Variants in ITFG1 observed in about 807,000 individuals in gnomAD.
The protein encoded by ITFG1 is T-cell immunomodulatory protein.
In ITFG1, 34 loss-of-function variants were observed where a neutral mutation model predicts 81.8. The ratio of observed to expected loss-of-function variants is 0.42; its 90% CI spans 0.32 to 0.55. ITFG1 has a LOEUF of 0.55. ITFG1 is among the 20% of genes least tolerant of loss of function. The pLI, the probability that ITFG1 is intolerant of heterozygous loss-of-function variation, is 0.17. For missense variants in ITFG1, 672 were observed against 755.4 expected (o/e 0.89, Z 1.29); for synonymous variants, 285 against 270.6 (o/e 1.05, Z -0.52).
chr16:47,362,315 G>A (rs1968119884), intron 8 of ITFG1, among the ~76,000 whole-genome samples: 1 of 152,100 alleles, frequency 6.6e-6, no homozygotes, highest in Non-Finnish European at 1.5e-5. Context: ...GCACCTCAGA[G>A]GTTCTAATAA....
chr16:47,406,610 G>A (rs1350271983), intron 6 of ITFG1, among the ~76,000 whole-genome samples: 1 of 152,216 alleles, frequency 6.6e-6, no homozygotes, highest in Non-Finnish European at 1.5e-5. Flanking sequence ...CTGGGCACTG[G>A]AGAAATGACA....
chr16:47,423,733 T>C (rs529305900), intron 6 of ITFG1, among the ~76,000 whole-genome samples: 3 of 152,350 alleles, frequency 2.0e-5, no homozygotes, highest in Non-Finnish European at 4.4e-5. Context: ...TTGAAAATTC[T>C]TTAAGAATGT....
intron 6 of ITFG1, among the ~76,000 whole-genome samples, chr16:47,423,345 G>T (rs1262501187): frequency 6.6e-6 from 1 of 151,222 alleles, no homozygotes; most frequent in African/African-American, 2.4e-5. Flanking sequence ...CATGAGACAG[G>T]TCTCCTGAAT....
At chr16:47,388,361 G>A (rs1352644495) in intron 6 of ITFG1, among the ~76,000 whole-genome samples, 1 of 152,154 alleles carries the variant, frequency 6.6e-6, no homozygotes, top group African/African-American at 2.4e-5. Flanking sequence ...TAAATGTGAT[G>A]CAGAATAAAT....
At chr16:47,187,248 T>C (rs960935701) in intron 14 of ITFG1, among the ~76,000 whole-genome samples, 12 of 152,120 alleles carry the variant, frequency 7.9e-5, no homozygotes, top group African/African-American at 9.7e-5. Context: ...CTTCACAGAA[T>C]TGGAAAAAAC....
chr16:47,457,316 A>C (rs893461403), intron 2 of ITFG1, among the ~76,000 whole-genome samples: 2 of 151,706 alleles, frequency 1.3e-5, no homozygotes, highest in Non-Finnish European at 2.9e-5. Flanking sequence ...GTCTCAAGAA[A>C]AAAAAAAAAA....
At chr16:47,264,746 C>T (rs1229994914) in intron 10 of ITFG1, among the ~76,000 whole-genome samples, 2 of 152,068 alleles carry the variant, frequency 1.3e-5, no homozygotes, top group Admixed American at 6.6e-5. Flanking sequence ...AATGTATGAG[C>T]GTCTTTTCAT....
intron 13 of ITFG1, among the ~76,000 whole-genome samples, chr16:47,232,041 G>A (rs1290343602): frequency 2.6e-5 from 4 of 152,210 alleles, no homozygotes; most frequent in African/African-American, 9.7e-5. Flanking sequence ...CATGAGCCAA[G>A]GAAGATATGC....
At chr16:47,447,835 G>A (rs1969342353) in intron 5 of ITFG1, among the ~76,000 whole-genome samples, 1 of 152,122 alleles carries the variant, frequency 6.6e-6, no homozygotes, top group South Asian at 2.1e-4. Context: ...AGAAATTAAT[G>A]TATCTCTAAT....
chr16:47,440,900 T>A (rs1193978095), intron 5 of ITFG1, among the ~76,000 whole-genome samples: 1 of 152,154 alleles, frequency 6.6e-6, no homozygotes. Context: ...ATCCAGGAGC[T>A]GGTTTTTCGA....
chr16:47,203,315 A>G (rs975617792), intron 14 of ITFG1, among the ~76,000 whole-genome samples: 5 of 152,236 alleles, frequency 3.3e-5, no homozygotes, highest in African/African-American at 1.2e-4. Flanking sequence ...TTTTGGCACC[A>G]GGAACTGGTT....
At chr16:47,182,911 C>T (rs1965149264) in intron 14 of ITFG1, among the ~76,000 whole-genome samples, 1 of 152,170 alleles carries the variant, frequency 6.6e-6, no homozygotes, top group Non-Finnish European at 1.5e-5. Flanking sequence ...AGTGGGTGCG[C>T]ACACCGTGCG....
intron 13 of ITFG1, among the ~76,000 whole-genome samples, chr16:47,224,002 G>A (rs1965728018): frequency 1.3e-5 from 2 of 148,816 alleles, no homozygotes; most frequent in Non-Finnish European, 3.0e-5. Flanking sequence ...ACTCATAGGT[G>A]GGAATTGAAC....
chr16:47,436,252 T>C (rs923345399), intron 5 of ITFG1, among the ~76,000 whole-genome samples: 4 of 152,130 alleles, frequency 2.6e-5, no homozygotes, highest in African/African-American at 9.6e-5. Context: ...AACCTGCACG[T>C]TGTGCACATG....
At chr16:47,366,834 GT>G (rs1288960224) in intron 7 of ITFG1, among the ~76,000 whole-genome samples, 1 of 152,074 alleles carries the variant, frequency 6.6e-6, no homozygotes, top group African/African-American at 2.4e-5. Context: ...ATGAGCACTG[GT>G]TTTCTCCCTT....
intron 6 of ITFG1, among the ~76,000 whole-genome samples, chr16:47,390,420 G>T (rs762300820): frequency 1.3e-5 from 2 of 151,964 alleles, no homozygotes; most frequent in East Asian, 1.9e-4. Context: ...ACATAACTTC[G>T]GAATGAAATA....
intron 13 of ITFG1, among the ~76,000 whole-genome samples, chr16:47,226,742 A>G (rs985637675): frequency 2.6e-5 from 4 of 152,122 alleles, no homozygotes; most frequent in Non-Finnish European, 5.9e-5. Context: ...CCAAGGCAAC[A>G]TACCACAAAA....
intron 10 of ITFG1, among the ~76,000 whole-genome samples, chr16:47,287,775 C>T (rs1055528517): frequency 1.3e-5 from 2 of 152,126 alleles, no homozygotes; most frequent in Admixed American, 6.5e-5. Flanking sequence ...TTGAATTTCA[C>T]GAATGACTAA....
chr16:47,427,620 T>C (rs149457559), intron 6 of ITFG1, among the ~76,000 whole-genome samples: 49 of 152,116 alleles, frequency 3.2e-4, no homozygotes, highest in African/African-American at 1.1e-3. Context: ...AGCGAGACTC[T>C]GTCTCCAAAA....
Sources: allele counts gnomAD v4.1 joint callset (sites outside exome capture counted in the v4.1 genomes callset), GRCh38; gene constraint gnomAD v4.1.1; transcripts MANE v1.5; gene names NCBI Gene and HGNC (gene_info 2026-07-23, HGNC 2026-07-21).